The following PCP4L1 variants were observed in gnomAD, a reference collection of about 807,000 sequenced individuals.
The protein encoded by PCP4L1 is Purkinje cell protein 4-like protein 1.
A neutral mutation model predicts 9.6 loss-of-function variants in PCP4L1; 9 were observed. That is an observed-to-expected ratio of 0.94 (90% CI 0.57 to 1.64). The LOEUF is 1.64. PCP4L1 is among the 40% of genes most tolerant of loss of function. The probability of loss-of-function intolerance (pLI) is 0.00; values close to 1 mark genes in which losing one functional copy is unlikely to be tolerated. For missense variants in PCP4L1, 81 were observed against 80.8 expected (o/e 1.00, Z -0.01); for synonymous variants, 31 against 28.2 (o/e 1.10, Z -0.31).
At chr1:161,267,288 T>G (rs1669547155) in intron 1 of PCP4L1, among the ~76,000 whole-genome samples, 1 of 152,188 alleles carries the variant, frequency 6.6e-6, no homozygotes, top group Non-Finnish European at 1.5e-5. Flanking sequence ...TATAATGTGT[T>G]TTTATTTACA....
intron 1 of PCP4L1, among the ~76,000 whole-genome samples, chr1:161,278,982 C>T (rs147974545): frequency 0.013 from 2,025 of 152,144 alleles, 20 homozygotes; most frequent in Middle Eastern, 0.054. Context: ...TGGGTTTCAC[C>T]ATGTTGCCCA....
intron 2 of PCP4L1, 63 bp downstream of exon 2, chr1:161,283,785 G>C (rs1669862486): frequency 6.8e-7 from 1 of 1,481,390 alleles, no homozygotes; most frequent in Non-Finnish European, 9.2e-7. Context: ...AAGACAAGTA[G>C]GGTGAGTCTG....
intron 1 of PCP4L1, among the ~76,000 whole-genome samples, chr1:161,264,101 C>T (rs375786309): frequency 1.3e-3 from 191 of 150,772 alleles, no homozygotes; most frequent in African/African-American, 4.3e-3. Flanking sequence ...TTAGTAGAGA[C>T]GAGATTTCAC....
chr1:161,284,558 C>A lies in PCP4L1; in HGVS notation c.*77C>A. On this transcript the variant is annotated 3_prime_UTR_variant, in exon 3 of 3. Coordinates refer to ENST00000504449, the MANE Select transcript of PCP4L1 (RefSeq NM_001102566.2). ...CTTCTCCACACCCATGTATCTTTATCCCTTGTCCCTCTAGCCTTTCCTTGA... is the reference window on the plus strand; with the variant it reads ...CTTCTCCACACCCATGTATCTTTATACCTTGTCCCTCTAGCCTTTCCTTGA... 1.3e-6 allele frequency: 2 copies of A among 1,543,636 alleles called. No individual in the cohort carries two copies. Among genetic ancestry groups the A allele is most frequent in the Non-Finnish European group, 1.8e-6 (2 of 1,141,130 alleles).
At chr1:161,270,677 T>C (rs560715019) in intron 1 of PCP4L1, among the ~76,000 whole-genome samples, 2 of 151,120 alleles carry the variant, frequency 1.3e-5, no homozygotes, top group East Asian at 2.0e-4. Context: ...ATTGAGACCA[T>C]CCTGGCCAAC....
chr1:161,268,783 A>G (rs1481489666), intron 1 of PCP4L1, among the ~76,000 whole-genome samples: 1 of 152,198 alleles, frequency 6.6e-6, no homozygotes, highest in Admixed American at 6.5e-5. Context: ...TCCTAACCTC[A>G]AATGATCCAC....
At chr1:161,264,709 A>G (rs1197811677) in intron 1 of PCP4L1, among the ~76,000 whole-genome samples, 1 of 151,984 alleles carries the variant, frequency 6.6e-6, no homozygotes, top group Non-Finnish European at 1.5e-5. Context: ...CATGCCTGTG[A>G]TCCCAGTTAC....
intron 1 of PCP4L1, among the ~76,000 whole-genome samples, chr1:161,268,129 C>T (rs1251591124): frequency 2.0e-5 from 3 of 152,200 alleles, no homozygotes; most frequent in Non-Finnish European, 4.4e-5. Context: ...TACTAATCTC[C>T]TTTTCCCTGT....
chr1:161,271,102 G>T (rs1240504292), intron 1 of PCP4L1, among the ~76,000 whole-genome samples: 3 of 152,310 alleles, frequency 2.0e-5, no homozygotes, highest in South Asian at 2.1e-4. Context: ...CTAGCAATAG[G>T]ATTGCTGGTT....
At chr1:161,266,475 T>A (rs1376457537) in intron 1 of PCP4L1, among the ~76,000 whole-genome samples, 1 of 152,154 alleles carries the variant, frequency 6.6e-6, no homozygotes, top group Non-Finnish European at 1.5e-5. Flanking sequence ...TGGCAGCCCA[T>A]GCTGGGGGGA....
At chr1:161,281,751 GTCA>G (rs1669812217) in intron 1 of PCP4L1, among the ~76,000 whole-genome samples, 1 of 129,042 alleles carries the variant, frequency 7.7e-6, no homozygotes, top group Non-Finnish European at 1.6e-5. Context: ...CCCAGACGGG[GTCA>G]CGGCCGGGCA....
At chr1:161,261,240 T>C (rs1045088404) in intron 1 of PCP4L1, among the ~76,000 whole-genome samples, 3 of 152,224 alleles carry the variant, frequency 2.0e-5, no homozygotes, top group African/African-American at 7.2e-5. Context: ...GGGATGTCTT[T>C]AAGAGACTCC....
chr1:161,259,461 T>C (rs4430352), intron 1 of PCP4L1, among the ~76,000 whole-genome samples: 3 of 152,140 alleles, frequency 2.0e-5, no homozygotes, highest in Non-Finnish European at 4.4e-5. Flanking sequence ...AAAGGTGGCA[T>C]CCTGCCCTCC....
intron 1 of PCP4L1, among the ~76,000 whole-genome samples, chr1:161,282,171 G>T (rs891077644): frequency 1.3e-5 from 2 of 152,102 alleles, no homozygotes; most frequent in Admixed American, 1.3e-4. Flanking sequence ...GATCACTCGC[G>T]GTTAGGAGCT....
intron 1 of PCP4L1, among the ~76,000 whole-genome samples, chr1:161,277,031 C>A (rs1448004403): frequency 6.6e-6 from 1 of 152,212 alleles, no homozygotes; most frequent in African/African-American, 2.4e-5. Flanking sequence ...GGAGGAAGAA[C>A]TGCTTGAGCC....
intron 1 of PCP4L1, among the ~76,000 whole-genome samples, chr1:161,268,699 A>G (rs2502811): frequency 0.61 from 92,807 of 151,628 alleles, 28,844 homozygotes; most frequent in African/African-American, 0.72. Flanking sequence ...ACAGGCATGC[A>G]CCACCATGCC....
intron 2 of PCP4L1, 111 bp from the exon 3 acceptor site, chr1:161,284,228 A>AC: frequency 6.9e-7 from 1 of 1,439,384 alleles, no homozygotes; most frequent in Non-Finnish European, 9.5e-7. Flanking sequence ...AAATTTGGGG[A>AC]CCCCACAGAG....
At chr1:161,263,567 T>C (rs1156716700) in intron 1 of PCP4L1, among the ~76,000 whole-genome samples, 1 of 151,210 alleles carries the variant, frequency 6.6e-6, no homozygotes, top group Non-Finnish European at 1.5e-5. Flanking sequence ...ATGTAAACTT[T>C]TAATGAATAT....
At chr1:161,265,367 C>T (rs1364645057) in intron 1 of PCP4L1, among the ~76,000 whole-genome samples, 3 of 151,924 alleles carry the variant, frequency 2.0e-5, no homozygotes, top group African/African-American at 4.8e-5. Context: ...CCCGTCTTTA[C>T]AAAAAATAAA....
Sources: gnomAD v4.1 joint callset for allele counts (sites outside exome capture counted in the v4.1 genomes callset) on GRCh38, gnomAD v4.1.1 for gene constraint, MANE v1.5 for transcripts, NCBI Gene and HGNC (gene_info 2026-07-23, HGNC 2026-07-21) for gene names.